TRAPPC9: variants seen among roughly 807,000 people sequenced by gnomAD.
TRAPPC9 encodes IKK2 binding protein.
TRAPPC9 carries 83 observed loss-of-function variants against 124.0 expected under a neutral mutation model. That is an observed-to-expected ratio of 0.67 (90% confidence interval 0.56 to 0.80). TRAPPC9 has a LOEUF of 0.80. TRAPPC9 is among the 30% of genes least tolerant of loss of function. The pLI is 0.00. For missense variants in TRAPPC9, 1,302 were observed against 1,508.3 expected, an observed-to-expected ratio of 0.86 and a Z score of 2.27; for synonymous variants, 638 against 617.5, an observed-to-expected ratio of 1.03 and a Z score of -0.49.
intron 17 of TRAPPC9, among the ~76,000 whole-genome samples, chr8:140,186,986 C>T (rs2062367160): frequency 6.6e-6 from 1 of 152,014 alleles, no homozygotes; most frequent in Non-Finnish European, 1.5e-5. Flanking sequence ...TCAGGTCAAC[C>T]ACACCCACTC....
intron 16 of TRAPPC9, among the ~76,000 whole-genome samples, chr8:140,240,556 C>T (rs532092228): frequency 3.2e-4 from 49 of 152,276 alleles, no homozygotes; most frequent in Middle Eastern, 3.4e-3. Context: ...AGATGACACT[C>T]CCAAATCTAG....
intron 21 of TRAPPC9, among the ~76,000 whole-genome samples, chr8:139,772,369 C>T (rs1432698554): frequency 2.6e-5 from 4 of 152,168 alleles, no homozygotes; most frequent in Non-Finnish European, 5.9e-5. Flanking sequence ...AGTATTATCC[C>T]ATTTTACAGA....
rs184487575 is a variant in TRAPPC9 at position 139,954,416 on chromosome 8, C to T, written c.2810+34310G>A. Among the ~76,000 whole-genome samples the T allele has an allele frequency of 7.9e-5, 12 of 152,184 alleles. No individual in the cohort carries two copies. The South Asian group carries it at 1.5e-3, about 18-fold the overall frequency. On this transcript the variant is annotated intron_variant, in intron 19 of 22. Transcript: ENST00000438773. The stretch of plus-strand genomic sequence containing the variant: ...AGCCTTTAGGAGGTAACTATGGTTA[C>T]GTGTGATCATAAGGGTGGGCCCTCA...
At chr8:140,149,138 GC>G (rs879758720) in intron 17 of TRAPPC9, among the ~76,000 whole-genome samples, 1 of 152,014 alleles carries the variant, frequency 6.6e-6, no homozygotes, top group Admixed American at 6.6e-5. Flanking sequence ...GCATCCGCGT[GC>G]CCCTGCAGGC....
chr8:140,324,720 C>T (rs2066692838), intron 9 of TRAPPC9, among the ~76,000 whole-genome samples: 1 of 152,104 alleles, frequency 6.6e-6, no homozygotes, highest in Non-Finnish European at 1.5e-5. Flanking sequence ...CAGTAAGCCA[C>T]GATCGTGCCA....
At chr8:139,752,094 A>C (rs1460006074) in intron 21 of TRAPPC9, among the ~76,000 whole-genome samples, 2 of 148,122 alleles carry the variant, frequency 1.4e-5, no homozygotes, top group South Asian at 4.3e-4. Context: ...TCCACTCTAC[A>C]TCCATCCACT....
chr8:140,454,554 C>T (rs749423927), intron 1 of TRAPPC9, among the ~76,000 whole-genome samples: 20 of 146,772 alleles, frequency 1.4e-4, no homozygotes, highest in Non-Finnish European at 2.7e-4. Context: ...GCAGGAGAAT[C>T]GCTTGAACCC....
intron 21 of TRAPPC9, among the ~76,000 whole-genome samples, chr8:139,870,917 C>T (rs532454039): frequency 9.9e-4 from 151 of 152,334 alleles, no homozygotes; most frequent in Non-Finnish European, 1.5e-4. Context: ...GAAAGGCTTT[C>T]CACTGATATT....
chr8:139,822,762 T>C (rs1037337057), intron 21 of TRAPPC9, among the ~76,000 whole-genome samples: 3 of 152,178 alleles, frequency 2.0e-5, no homozygotes, highest in African/African-American at 7.2e-5. Context: ...GGACCATGGC[T>C]GGGTAGGGTG....
intron 21 of TRAPPC9, among the ~76,000 whole-genome samples, chr8:139,733,495 G>A (rs1251542045): frequency 6.6e-6 from 1 of 152,204 alleles, no homozygotes; most frequent in Non-Finnish European, 1.5e-5. Context: ...CTGTGGCCCT[G>A]TTGTGGAGGT....
chr8:140,457,876 G>C (rs2071748430), upstream of TRAPPC9: 6 of 995,330 alleles, frequency 6.0e-6, no homozygotes, highest in South Asian at 2.2e-5. Context: ...AAGGAGGAGC[G>C]AGGGAGAGAA....
At chr8:139,938,209 C>T (rs1432248309) in intron 19 of TRAPPC9, among the ~76,000 whole-genome samples, 2 of 152,236 alleles carry the variant, frequency 1.3e-5, no homozygotes, top group African/African-American at 4.8e-5. Context: ...GCTGCCCCAC[C>T]TGTGTGTCAA....
chr8:140,404,890 GC>G (rs1266011096), intron 6 of TRAPPC9, among the ~76,000 whole-genome samples: 14 of 79,516 alleles, frequency 1.8e-4, no homozygotes, highest in Non-Finnish European at 4.0e-4. Flanking sequence ...GTGCATGTGT[GC>G]ACGTGTGTGT....
intron 2 of TRAPPC9, among the ~76,000 whole-genome samples, chr8:140,439,411 A>G (rs2132630070): frequency 6.6e-6 from 1 of 152,340 alleles, no homozygotes; most frequent in Admixed American, 6.5e-5. Flanking sequence ...TTTAAAGGTG[A>G]TCGGTACGTA....
At chr8:140,412,013 G>T (rs1333978673) in intron 5 of TRAPPC9, among the ~76,000 whole-genome samples, 3 of 152,212 alleles carry the variant, frequency 2.0e-5, no homozygotes, top group African/African-American at 7.2e-5. Context: ...GGGTGAAAGT[G>T]TGATGACAAA....
chr8:139,837,158 T>C (rs1826414936), intron 21 of TRAPPC9, among the ~76,000 whole-genome samples: 2 of 152,160 alleles, frequency 1.3e-5, no homozygotes, highest in African/African-American at 4.8e-5. Context: ...ATAATACATC[T>C]GCAAAGCCTA....
chr8:140,315,103 T>C (rs1330769543), intron 9 of TRAPPC9, among the ~76,000 whole-genome samples: 1 of 152,178 alleles, frequency 6.6e-6, no homozygotes, highest in Non-Finnish European at 1.5e-5. Context: ...CAACATTTCA[T>C]CTTTTGACTT....
chr8:140,192,109 G>T (rs1331235483), intron 17 of TRAPPC9, among the ~76,000 whole-genome samples: 1 of 152,174 alleles, frequency 6.6e-6, no homozygotes, highest in Non-Finnish European at 1.5e-5. Flanking sequence ...TTAAGCAAAA[G>T]ACTCTAAATC....
intron 21 of TRAPPC9, among the ~76,000 whole-genome samples, chr8:139,757,557 AG>A (rs967239586): frequency 2.0e-5 from 3 of 152,066 alleles, no homozygotes; most frequent in South Asian, 4.1e-4. Context: ...CGGAGGAGCC[AG>A]GGGGCGTGGG....
Sources: allele counts gnomAD v4.1 joint callset (sites outside exome capture counted in the v4.1 genomes callset), GRCh38; gene constraint gnomAD v4.1.1; transcripts MANE v1.5; gene names NCBI Gene and HGNC (gene_info 2026-07-23, HGNC 2026-07-21).